Variants in VPS13A observed in about 807,000 individuals in gnomAD.
The protein encoded by VPS13A is vacuolar protein sorting 13 homolog A.
A neutral mutation model predicts 390.9 loss-of-function variants in VPS13A; 264 were observed. The observed-to-expected ratio is 0.68, with a 90% CI of 0.61 to 0.75. The LOEUF (loss-of-function observed/expected upper bound fraction) is 0.75. VPS13A is among the 30% of genes least tolerant of loss of function. The probability of loss-of-function intolerance (pLI) is 0.00; values close to 1 mark genes in which losing one functional copy is unlikely to be tolerated. For missense variants in VPS13A, 3,409 were observed against 3,733.9 expected (o/e 0.91, Z 2.27); for synonymous variants, 1,231 against 1,227.1 (o/e 1.00, Z -0.07).
chr9:77,210,542 A>T (rs997899564), intron 6 of VPS13A, 74 bp from the exon 7 acceptor site: 48 of 1,454,318 alleles, frequency 3.3e-5, no homozygotes, highest in African/African-American at 5.6e-5. Context: ...CTGCACATTG[A>T]CAGTTTTTTC....
intron 23 of VPS13A, among the ~76,000 whole-genome samples, chr9:77,262,342 C>T (rs1035607306): frequency 2.0e-5 from 3 of 152,014 alleles, no homozygotes; most frequent in African/African-American, 7.2e-5. Context: ...CCTCCATTTT[C>T]GGGGGTAACA....
chr9:77,402,073 T>G (rs1339226137), intron 68 of VPS13A, among the ~76,000 whole-genome samples: 4 of 152,160 alleles, frequency 2.6e-5, no homozygotes, highest in Non-Finnish European at 5.9e-5. Context: ...TTCATATTAT[T>G]TTTTTCTGAA....
At chr9:77,367,874 G>C (rs1832523060) in intron 61 of VPS13A, among the ~76,000 whole-genome samples, 181 bp from the exon 62 acceptor site, 2 of 152,118 alleles carry the variant, frequency 1.3e-5, no homozygotes, top group Admixed American at 6.6e-5. Flanking sequence ...TTCTTAGAAG[G>C]TTCTTTGATT....
intron 68 of VPS13A, among the ~76,000 whole-genome samples, chr9:77,384,012 T>A (rs1298148193): frequency 6.6e-6 from 1 of 151,088 alleles, no homozygotes; most frequent in Non-Finnish European, 1.5e-5. Context: ...AGCAAACACT[T>A]AAAAAATATG....
rs564808187 is a variant in VPS13A, at chr9:77,318,212, CTTA to C, written c.4957-19_4957-17del. On this transcript the variant is annotated intron_variant, in intron 40 of 71. Coordinates refer to ENST00000360280, the MANE Select transcript of VPS13A (RefSeq NM_033305.3). ...TATGTTTGAAAGTGTTTTGTATAGA[CTTA>C]TTAATTTTTTTCCATTTAGGTTTCA... The C allele has an allele frequency of 2.0e-5, 28 of 1,430,058 alleles. No individual in the cohort carries two copies. The East Asian group carries it at 5.7e-4, about 29-fold the overall frequency. 88.6% of individuals were successfully genotyped at this position (1,430,058 alleles called of 1,614,324 possible).
intron 35 of VPS13A, among the ~76,000 whole-genome samples, chr9:77,311,732 A>C (rs1297407693): frequency 6.6e-6 from 1 of 152,208 alleles, no homozygotes; most frequent in African/African-American, 2.4e-5. Context: ...AATTGACATA[A>C]TTAATGTAAT....
At chr9:77,281,647 C>G (rs951823586) in intron 27 of VPS13A, among the ~76,000 whole-genome samples, 2 of 151,900 alleles carry the variant, frequency 1.3e-5, no homozygotes, top group Admixed American at 1.3e-4. Flanking sequence ...TTATTGAATA[C>G]TTGCTATGTG....
At chr9:77,399,998 T>A (rs1834301718) in intron 68 of VPS13A, among the ~76,000 whole-genome samples, 1 of 152,340 alleles carries the variant, frequency 6.6e-6, no homozygotes, top group South Asian at 2.1e-4. Flanking sequence ...TGCTCCATTG[T>A]ATGGCTGTAC....
At chr9:77,415,372 CTG>C (rs1197603452) in intron 71 of VPS13A, among the ~76,000 whole-genome samples, 4 of 152,194 alleles carry the variant, frequency 2.6e-5, no homozygotes, top group Admixed American at 2.6e-4. Flanking sequence ...ACAAACATCT[CTG>C]TGAAATCTTT....
intron 34 of VPS13A, 55 bp downstream of exon 34, chr9:77,303,117 T>C: frequency 6.3e-7 from 1 of 1,591,988 alleles, no homozygotes; most frequent in South Asian, 1.1e-5. Flanking sequence ...AAAATACTGC[T>C]TGGGGACATA....
chr9:77,337,234 G>C, intron 46 of VPS13A, 21 bp from the exon 47 acceptor site: 1 of 1,602,854 alleles, frequency 6.2e-7, no homozygotes, highest in East Asian at 2.2e-5. Flanking sequence ...ATTTTAAACT[G>C]TATCATTTAA....
Position 77,371,166 on chromosome 9 carries a change from G to A in VPS13A, c.9077+17G>A, listed in dbSNP as rs1195534723. 2 of 1,613,614 alleles carry A rather than the reference G, an allele frequency of 1.2e-6. No homozygotes were observed. The highest frequency in any genetic ancestry group is 1.3e-5 in the African/African-American group (1 of 74,916). ...AATAAAAAGGTAAATCCTCTTTGGT[G>A]TAAGATATGAGTTAAAATGCTGAAG... On this transcript the variant is annotated intron_variant, in intron 67 of 71. Transcript: ENST00000360280.
rs1835159093 is a variant in VPS13A, at chr9:77,416,054, T to C, written c.*48T>C. ...CACAGCAATAAGTGATTACAGCTCCTAGACTACCTTCCAAAACCTGTTTGG... is the reference window on the plus strand; with the variant it reads ...CACAGCAATAAGTGATTACAGCTCCCAGACTACCTTCCAAAACCTGTTTGG... On this transcript the variant is annotated 3_prime_UTR_variant, in exon 72 of 72. Transcript: ENST00000360280. 1.3e-6 allele frequency: 2 copies of C among 1,599,102 alleles called. No homozygotes were observed. Among genetic ancestry groups the C allele is most frequent in the Non-Finnish European group, 1.7e-6 (2 of 1,166,836 alleles).
At chr9:77,183,714 G>A (rs759609466) in intron 1 of VPS13A, among the ~76,000 whole-genome samples, 40 of 152,330 alleles carry the variant, frequency 2.6e-4, no homozygotes, top group Non-Finnish European at 4.7e-4. Context: ...ATGTTATCAA[G>A]CCATTGTGCT....
At chr9:77,295,907 T>C in intron 33 of VPS13A, 61 bp downstream of exon 33, 1 of 1,524,594 alleles carries the variant, frequency 6.6e-7, no homozygotes, top group Non-Finnish European at 9.0e-7. Flanking sequence ...TTTAAAGACT[T>C]TGATGTCTTG....
rs766782658 is a variant in VPS13A at position 77,273,336 on chromosome 9, CTT to C, written c.2485_2486del (p.Leu829GlyfsTer7). 2 of 1,611,350 alleles carry C rather than the reference CTT, an allele frequency of 1.2e-6. No individual in the cohort carries two copies. Among genetic ancestry groups the C allele is most frequent in the East Asian group, 2.2e-5 (1 of 44,662 alleles). On this transcript the variant is annotated frameshift_variant, in exon 24 of 72. Coordinates refer to ENST00000360280, the MANE Select transcript of VPS13A (RefSeq NM_033305.3). LOFTEE classifies it high-confidence loss of function. Reference protein sequence around the residue: ...SQISQKIIPLLELPSVSEDDS... With the variant: ...SQISQKIIPLXELPSVSEDDS... ...AGATTTCACAGAAAATAATTCCTCT[CTT>C]GGAACTTCCATCTGTTTCTGAAGAT...
rs57841628 is a variant in VPS13A at position 77,341,691 on chromosome 9, C to CTTTTTT, written c.7026+1165_7026+1170dup. On this transcript the variant is annotated intron_variant, in intron 50 of 71. Transcript: ENST00000360280. ...AGTAAGTTCTACATGGACATCTTTC[C>CTTTTTT]TTTTTTTTTTTTTTTTTTTTTTTTT... is the stretch of plus-strand genomic sequence containing the variant. Among the ~76,000 whole-genome samples, 330 of 37,868 alleles carry CTTTTTT rather than the reference C, an allele frequency of 8.7e-3. 30 individuals are homozygous for CTTTTTT. The highest frequency in any genetic ancestry group is 0.012 in the East Asian group (15 of 1,216). 24.8% of individuals were successfully genotyped at this position (37,868 alleles called of 152,430 possible). A position where few individuals can be genotyped will look rare whatever the true frequency, so the allele number is the denominator to read the frequency against.
At position 77,413,722 on chromosome 9, in the gene VPS13A, A is replaced by G. The variant is rs140651645; in HGVS notation, c.9475-2234A>G. On this transcript the variant is annotated intron_variant, in intron 71 of 71. Coordinates refer to ENST00000360280, the MANE Select transcript of VPS13A (RefSeq NM_033305.3). ...TAAAACACCAAAAGCAATGGCAACA[A>G]AAGCCAAAATTGACAAATGGGATCT... is the stretch of plus-strand genomic sequence containing the variant. Among the ~76,000 whole-genome samples, 918 of 152,330 alleles carry G rather than the reference A, an allele frequency of 6.0e-3. 8 individuals are homozygous for G. The highest frequency in any genetic ancestry group is 0.021 in the African/African-American group (865 of 41,568).
At position 77,238,015 on chromosome 9, in the gene VPS13A, A is replaced by G. The variant is rs1475019610; in HGVS notation, c.1609A>G (p.Ile537Val). ...GAQAIKFETK[I>V]DSFHITGLPD... ...TTTTTAATGCAGATTTGAAACTAAAATAGATTCATTTCATATTACTGGCTT... is the reference window on the plus strand; with the variant it reads ...TTTTTAATGCAGATTTGAAACTAAAGTAGATTCATTTCATATTACTGGCTT... Residue 537 changes from isoleucine (I) to valine (V), a missense_variant, in exon 18 of 72, where the codon ATA becomes GTA. This residue lies in a region of VPS13A where 2,717 missense variants were observed against 2,917.4 expected (regional missense o/e 0.93). Transcript: ENST00000360280. 6.2e-7 allele frequency: 1 copy of G among 1,609,216 alleles called. No individual in the cohort carries two copies. The highest frequency in any genetic ancestry group is 1.7e-5 in the Admixed American group (1 of 59,896).
Sources: allele counts gnomAD v4.1 joint callset (sites outside exome capture counted in the v4.1 genomes callset), GRCh38; gene constraint gnomAD v4.1.1; regional missense constraint gnomAD v4.1.1; transcripts MANE v1.5; gene names NCBI Gene and HGNC (gene_info 2026-07-23, HGNC 2026-07-21).